The following GRIP2 variants were observed in gnomAD, a reference collection of about 807,000 sequenced individuals.
GRIP2 encodes glutamate receptor interacting protein 2.
Under a neutral mutation model 108.3 loss-of-function variants are expected in GRIP2, and 58 were observed. The ratio of observed to expected loss-of-function variants is 0.54; its 90% CI spans 0.43 to 0.67. GRIP2 has a LOEUF of 0.67. Ranked by LOEUF, GRIP2 falls within the 30% of genes least tolerant of loss-of-function variation. The pLI is 0.00. For synonymous variants in GRIP2, 586 were observed against 598.2 expected, an observed-to-expected ratio of 0.98 and a Z score of 0.30; for missense variants, 1,278 against 1,430.6, an observed-to-expected ratio of 0.89 and a Z score of 1.72.
chr3:14,543,856 C>CGGATTCCT (rs1695017714), upstream of GRIP2, among the ~76,000 whole-genome samples: 1 of 152,194 alleles, frequency 6.6e-6, no homozygotes, highest in Non-Finnish European at 1.5e-5. Context: ...AACTGGAAGA[C>CGGATTCCT]GGATTCCTGT....
intron 17 of GRIP2, among the ~76,000 whole-genome samples, chr3:14,508,453 G>A (rs527547891): frequency 1.3e-5 from 2 of 152,332 alleles, no homozygotes; most frequent in African/African-American, 4.8e-5. Flanking sequence ...AGTGACCTGA[G>A]CCAGGTGGAG....
chr3:14,495,069 C>A, intron 22 of GRIP2, 80 bp from the exon 23 acceptor site: 1 of 1,553,692 alleles, frequency 6.4e-7, no homozygotes, highest in Non-Finnish European at 8.7e-7. Context: ...GTCCTTTGGT[C>A]TGGCATTCAG....
At chr3:14,598,898 G>A in the GRIP2 span, among the ~76,000 whole-genome samples, 1 of 151,850 alleles carries the variant, frequency 6.6e-6, no homozygotes. Flanking sequence ...GGTGTGGCTG[G>A]GCCTTCTCAC....
At chr3:14,539,264 G>A (rs1341598363) in intron 1 of GRIP2, among the ~76,000 whole-genome samples, 1 of 152,216 alleles carries the variant, frequency 6.6e-6, no homozygotes, top group Non-Finnish European at 1.5e-5. Flanking sequence ...GCCTGGCCCA[G>A]AGGAAGCTCT....
the GRIP2 span, among the ~76,000 whole-genome samples, chr3:14,563,506 G>A: frequency 1.3e-4 from 20 of 152,262 alleles, no homozygotes; most frequent in African/African-American, 2.9e-4. Context: ...GAGGAGCAGC[G>A]TGGGCCTGGA....
rs566129845 is a variant in GRIP2 at position 14,525,671 on chromosome 3, C to T, written c.122-99G>A. The T allele has an allele frequency of 2.1e-6, 3 of 1,445,590 alleles. No individual in the cohort carries two copies. In the African/African-American group the frequency reaches 4.2e-5, roughly 20 times the overall value. The allele number at this position is 1,445,590 out of a possible 1,614,324, so 89.5% of individuals were successfully genotyped here. ...AGGCGAGCACCTGGTTGGTAGGGCA[C>T]TCTGCTGCATTGCCCTGGGTGATGA... On this transcript the variant is annotated intron_variant, in intron 2 of 23. Coordinates refer to ENST00000621039, the MANE Select transcript of GRIP2 (RefSeq NM_001080423.4).
At chr3:14,600,613 T>A in the GRIP2 span, among the ~76,000 whole-genome samples, 2 of 152,292 alleles carry the variant, frequency 1.3e-5, no homozygotes, top group African/African-American at 4.8e-5. Flanking sequence ...TGTCCCTGCA[T>A]CTATCCCTGT....
At position 14,521,743 on chromosome 3, in the gene GRIP2, CCATCGA is replaced by C. The variant is rs1559343793; in HGVS notation, c.605_610del (p.Val202_Asp203del). Reference sequence around the variant, plus strand: ...ATGGCTGGCCCCGTGCAGCGGGATTCCATCGACACTGAGCAGCCTGTCGCCCACCTT... The same window carrying C: ...ATGGCTGGCCCCGTGCAGCGGGATTCCACTGAGCAGCCTGTCGCCCACCTT... On this transcript the variant is annotated inframe_deletion, in exon 7 of 24. Coordinates refer to ENST00000621039, the MANE Select transcript of GRIP2 (RefSeq NM_001080423.4). The surrounding 1 kb of genome is among the most constrained non-coding windows in gnomAD (Gnocchi z 5.1). 6.2e-7 allele frequency: 1 copy of C among 1,609,622 alleles called. No homozygotes were observed. The highest frequency in any genetic ancestry group is 8.5e-7 in the Non-Finnish European group (1 of 1,178,548).
At chr3:14,572,611 C>CAAAAAAAAAAAAA in the GRIP2 span, among the ~76,000 whole-genome samples, 1 of 46,958 alleles carries the variant, frequency 2.1e-5, no homozygotes, top group Non-Finnish European at 3.4e-5. Context: ...GACTCCGTCT[C>CAAAAAAAAAAAAA]AAAAAAAAAA....
upstream of GRIP2, among the ~76,000 whole-genome samples, chr3:14,560,554 C>T (rs1049635257): frequency 8.5e-5 from 13 of 152,156 alleles, no homozygotes; most frequent in Non-Finnish European, 1.5e-4. Context: ...CAGTGAGATG[C>T]TATTCTGGGG....
chr3:14,495,532 G>A (rs956583118), intron 22 of GRIP2, among the ~76,000 whole-genome samples: 2 of 151,998 alleles, frequency 1.3e-5, no homozygotes, highest in Middle Eastern at 3.4e-3. Flanking sequence ...TCAGCCTCCC[G>A]AATAGCTGGG....
At chr3:14,495,903 T>C (rs138731723) in intron 22 of GRIP2, among the ~76,000 whole-genome samples, 131 of 152,286 alleles carry the variant, frequency 8.6e-4, no homozygotes, top group African/African-American at 2.9e-3. Flanking sequence ...CTCAGCACTT[T>C]GAGAGGCTGA....
the GRIP2 span, chr3:14,574,623 G>T: frequency 1.5e-6 from 1 of 673,240 alleles, no homozygotes. Flanking sequence ...ACCTTCCTGG[G>T]CAAAGAAGGA....
At chr3:14,567,894 G>A in the GRIP2 span, among the ~76,000 whole-genome samples, 1 of 152,186 alleles carries the variant, frequency 6.6e-6, no homozygotes, top group Non-Finnish European at 1.5e-5. Context: ...ATGAGGTAGG[G>A]GGAGGTCTCT....
intron 1 of GRIP2, among the ~76,000 whole-genome samples, chr3:14,547,375 G>A (rs1469319756): frequency 6.6e-6 from 1 of 152,178 alleles, no homozygotes; most frequent in African/African-American, 2.4e-5. Context: ...AGGAATTTGG[G>A]GTGGGGATAG....
chr3:14,523,737 G>C, intron 4 of GRIP2, 39 bp from the exon 5 acceptor site: 1 of 1,362,320 alleles, frequency 7.3e-7, no homozygotes, highest in Non-Finnish European at 1.0e-6. Context: ...TCCCTCAGTC[G>C]CATCTCCAGG....
At chr3:14,538,724 AGAG>A (rs747891733) in intron 1 of GRIP2, among the ~76,000 whole-genome samples, 123 of 152,306 alleles carry the variant, frequency 8.1e-4, no homozygotes, top group Non-Finnish European at 1.6e-3. Flanking sequence ...AAAATGTCAG[AGAG>A]GTCAGGAAGG....
the GRIP2 span, among the ~76,000 whole-genome samples, chr3:14,576,922 A>T: frequency 6.6e-6 from 1 of 152,186 alleles, no homozygotes; most frequent in African/African-American, 2.4e-5. Flanking sequence ...AAGCTTTTCC[A>T]CTTTCAGTCT....
rs1007446427 is a variant in GRIP2 at position 14,507,761 on chromosome 3, T to C, written c.2079-61A>G. ...GACACTCAGGGCCTCAGAGTGGCAGTCTGCCCTCAGGGAATCCAGGAGAGC... is the reference window on the plus strand; with the variant it reads ...GACACTCAGGGCCTCAGAGTGGCAGCCTGCCCTCAGGGAATCCAGGAGAGC... On this transcript the variant is annotated intron_variant, in intron 17 of 23. Transcript: ENST00000621039. This position sits in a 1 kb window ranked among gnomAD's most constrained non-coding sequence, Gnocchi z 4.6. 5.1e-6 allele frequency: 8 copies of C among 1,575,920 alleles called. No individual in the cohort carries two copies. In the African/African-American group the frequency reaches 5.4e-5, roughly 11 times the overall value.
Sources: gnomAD v4.1 joint callset for allele counts (sites outside exome capture counted in the v4.1 genomes callset) on GRCh38, gnomAD v4.1.1 for gene constraint, Gnocchi (gnomAD v3.1) non-coding constraint, MANE v1.5 for transcripts, NCBI Gene and HGNC (gene_info 2026-07-23, HGNC 2026-07-21) for gene names.